ASTN2: variants seen among roughly 807,000 people sequenced by gnomAD.
ASTN2 encodes astrotactin 2, also known as astrotactin-2.
Under a neutral mutation model 139.8 loss-of-function variants are expected in ASTN2, and 54 were observed. That is an observed-to-expected ratio of 0.39 (90% CI 0.31 to 0.48). The LOEUF is 0.48. Ranked by LOEUF, ASTN2 falls within the 20% of genes least tolerant of loss-of-function variation. The probability of loss-of-function intolerance (pLI) is 0.95; values close to 1 mark genes in which losing one functional copy is unlikely to be tolerated. For synonymous variants in ASTN2, 756 were observed against 719.5 expected (o/e 1.05, Z -0.81); for missense variants, 1,565 against 1,725.1 (o/e 0.91, Z 1.64).
intron 19 of ASTN2, among the ~76,000 whole-genome samples, chr9:116,489,222 C>G (rs1849433839): frequency 6.6e-6 from 1 of 152,184 alleles, no homozygotes. Context: ...CTCAGAGCAG[C>G]TTGGTGGTGC....
intron 1 of ASTN2, among the ~76,000 whole-genome samples, chr9:117,308,213 A>AAATCAATCAATCAATC (rs112764473): frequency 1.3e-5 from 2 of 150,240 alleles, no homozygotes; most frequent in Admixed American, 6.7e-5. Context: ...TGCTGGGGCA[A>AAATCAATCAATCAATC]AATCAATCAA....
chr9:117,139,205 G>T (rs1426122397), intron 4 of ASTN2, among the ~76,000 whole-genome samples: 1 of 152,180 alleles, frequency 6.6e-6, no homozygotes, highest in African/African-American at 2.4e-5. Context: ...GCCTTACCCA[G>T]AACAAACATA....
At chr9:116,990,441 T>C (rs902117936) in intron 7 of ASTN2, among the ~76,000 whole-genome samples, 30 of 149,638 alleles carry the variant, frequency 2.0e-4, no homozygotes, top group African/African-American at 6.8e-4. Context: ...TAGTTTTCTA[T>C]TTTTTAGTAG....
chr9:117,284,440 T>C (rs1348855780), intron 2 of ASTN2, among the ~76,000 whole-genome samples: 1 of 152,116 alleles, frequency 6.6e-6, no homozygotes, highest in Non-Finnish European at 1.5e-5. Flanking sequence ...AATTGGGGCA[T>C]AGAGACAGAC....
At chr9:116,952,323 G>A (rs533138793) in intron 10 of ASTN2, among the ~76,000 whole-genome samples, 19 of 152,152 alleles carry the variant, frequency 1.2e-4, no homozygotes, top group Admixed American at 9.8e-4. Flanking sequence ...AATCCTTCTC[G>A]GCCTTATGCT....
At chr9:116,588,684 G>GT (rs1330866821) in intron 19 of ASTN2, among the ~76,000 whole-genome samples, 11 of 151,992 alleles carry the variant, frequency 7.2e-5, no homozygotes, top group Admixed American at 1.3e-4. Context: ...AGAAATGGTA[G>GT]TTTTTTTTCT....
intron 19 of ASTN2, among the ~76,000 whole-genome samples, chr9:116,489,415 A>G (rs1849442158): frequency 6.6e-6 from 1 of 151,996 alleles, no homozygotes; most frequent in Non-Finnish European, 1.5e-5. Context: ...CAGCTCATTG[A>G]AGCCTCTGCC....
At chr9:117,285,969 GA>G (rs1259015180) in intron 2 of ASTN2, among the ~76,000 whole-genome samples, 2 of 151,536 alleles carry the variant, frequency 1.3e-5, no homozygotes, top group African/African-American at 4.8e-5. Context: ...AGACAAAAGG[GA>G]AAAAACAAAA....
chr9:117,290,168 G>T (rs1436997412), intron 2 of ASTN2, among the ~76,000 whole-genome samples: 1 of 152,132 alleles, frequency 6.6e-6, no homozygotes, highest in Non-Finnish European at 1.5e-5. Flanking sequence ...TCATATGTAT[G>T]TTGGAGATAC....
At chr9:117,246,465 C>A (rs1833385900) in intron 2 of ASTN2, among the ~76,000 whole-genome samples, 1 of 152,172 alleles carries the variant, frequency 6.6e-6, no homozygotes. Flanking sequence ...CCTCTCTGTA[C>A]AATGGAATGA....
intron 19 of ASTN2, among the ~76,000 whole-genome samples, chr9:116,590,692 C>T (rs911684744): frequency 9.2e-5 from 14 of 152,162 alleles, no homozygotes; most frequent in Admixed American, 3.3e-4. Flanking sequence ...CCAGACTTGA[C>T]CATGGACACC....
intron 13 of ASTN2, among the ~76,000 whole-genome samples, chr9:116,773,402 A>G (rs1406525407): frequency 6.6e-6 from 1 of 152,160 alleles, no homozygotes; most frequent in Non-Finnish European, 1.5e-5. Context: ...AGGTCTGTGG[A>G]TTCTAAGAAG....
At chr9:117,387,414 C>T (rs1830427156) in intron 1 of ASTN2, among the ~76,000 whole-genome samples, 1 of 151,970 alleles carries the variant, frequency 6.6e-6, no homozygotes, top group Non-Finnish European at 1.5e-5. Flanking sequence ...ATATATAAAA[C>T]AGGGAGACTG....
intron 10 of ASTN2, among the ~76,000 whole-genome samples, chr9:116,915,192 T>G (rs541637972): frequency 3.3e-5 from 5 of 152,194 alleles, no homozygotes; most frequent in Non-Finnish European, 5.9e-5. Flanking sequence ...TGGGCTGATA[T>G]CTTAACATGT....
intron 13 of ASTN2, among the ~76,000 whole-genome samples, chr9:116,754,984 C>G (rs949871466): frequency 1.3e-5 from 2 of 152,148 alleles, no homozygotes; most frequent in Admixed American, 6.5e-5. Flanking sequence ...TCATCACTTA[C>G]AGCCTTCATT....
rs182196463 is a variant in ASTN2 at position 116,856,363 on chromosome 9, G to C, written c.2040+7220C>G. ...TCAGCCCAGCTGCACCGTGTAGGAG[G>C]GTTACATGCCCAGGCAGGCAGGGCT... On this transcript the variant is annotated intron_variant, in intron 11 of 22. Coordinates refer to ENST00000313400, the MANE Select transcript of ASTN2 (RefSeq NM_001365068.1). Among the ~76,000 whole-genome samples the C allele has an allele frequency of 3.2e-3, 486 of 152,334 alleles. 1 individual carries two copies. The highest frequency in any genetic ancestry group is 0.011 in the African/African-American group (471 of 41,586).
At position 116,935,622 on chromosome 9, in the gene ASTN2, C is replaced by T. The variant is rs147469543; in HGVS notation, c.1889+39586G>A. Among the ~76,000 whole-genome samples the T allele has an allele frequency of 1.4e-3, 216 of 152,304 alleles. 1 individual carries two copies. Among genetic ancestry groups the T allele is most frequent in the Non-Finnish European group, 2.6e-3 (174 of 68,020 alleles). On this transcript the variant is annotated intron_variant, in intron 10 of 22. Transcript: ENST00000313400. ...CACACAGTCTAAAGCACTGGTCTTGCCATCTGGCAGAACAGGATTCAAATT... is the reference window on the plus strand; with the variant it reads ...CACACAGTCTAAAGCACTGGTCTTGTCATCTGGCAGAACAGGATTCAAATT...
At position 116,440,688 on chromosome 9, in the gene ASTN2, G is replaced by T; in HGVS notation, c.3703C>A (p.Arg1235=). 1 of 1,614,182 alleles carries T rather than the reference G, an allele frequency of 6.2e-7. No individual in the cohort carries two copies. Among genetic ancestry groups the T allele is most frequent in the Non-Finnish European group, 8.5e-7 (1 of 1,180,038 alleles). ...LMEVSASMLF[R]VQHHYNSHYE... The stretch of plus-strand genomic sequence containing the variant: ...TGAGAGTTGTAGTGGTGCTGGACTC[G>T]GAACAGCATCGAGGCTGAGACCTCC... Residue 1235 remains arginine (R), a synonymous_variant, in exon 22 of 23, where the codon CGA becomes AGA. Coordinates refer to ENST00000313400, the MANE Select transcript of ASTN2 (RefSeq NM_001365068.1).
chr9:117,158,452 G>A (rs760465706), intron 3 of ASTN2, among the ~76,000 whole-genome samples: 5 of 152,034 alleles, frequency 3.3e-5, no homozygotes, highest in Non-Finnish European at 5.9e-5. Context: ...ATATCCAGAA[G>A]TTGGTTGGAT....
Sources: gnomAD v4.1 joint callset for allele counts (sites outside exome capture counted in the v4.1 genomes callset) on GRCh38, gnomAD v4.1.1 for gene constraint, MANE v1.5 for transcripts, NCBI Gene and HGNC (gene_info 2026-07-23, HGNC 2026-07-21) for gene names.